ST6GALNAC3: variants seen among roughly 807,000 people sequenced by gnomAD.
The protein encoded by ST6GALNAC3 is alpha-N-acetylgalactosaminide alpha-2,6-sialyltransferase 3.
In ST6GALNAC3, 25 loss-of-function variants were observed where a neutral mutation model predicts 32.7. That is an observed-to-expected ratio of 0.76 (90% confidence interval 0.56 to 1.07). The LOEUF (loss-of-function observed/expected upper bound fraction) is 1.07, where lower values mean the gene tolerates loss of function less well. Among genes scored for constraint, ST6GALNAC3 ranks in the 50% least tolerant of loss-of-function variants. ST6GALNAC3 has a pLI of 0.00. For synonymous variants in ST6GALNAC3, 129 were observed against 133.1 expected, an observed-to-expected ratio of 0.97 and a Z score of 0.21; for missense variants, 355 against 382.4, an observed-to-expected ratio of 0.93 and a Z score of 0.60.
intron 1 of ST6GALNAC3, among the ~76,000 whole-genome samples, chr1:76,183,178 C>T (rs1367862321): frequency 6.6e-6 from 1 of 152,122 alleles, no homozygotes; most frequent in East Asian, 1.9e-4. Flanking sequence ...CTTTTCTGTA[C>T]ACCACTTTAG....
chr1:76,185,306 C>G (rs1027829893), intron 1 of ST6GALNAC3, among the ~76,000 whole-genome samples: 21 of 152,220 alleles, frequency 1.4e-4, no homozygotes, highest in African/African-American at 4.6e-4. Context: ...ATGACCAAGA[C>G]TTGGTCCCTG....
chr1:76,207,518 G>T (rs571319778), intron 1 of ST6GALNAC3, among the ~76,000 whole-genome samples: 3 of 152,206 alleles, frequency 2.0e-5, no homozygotes, highest in Non-Finnish European at 4.4e-5. Context: ...TAAAAGCATG[G>T]CACTGGCATC....
intron 3 of ST6GALNAC3, among the ~76,000 whole-genome samples, chr1:76,542,418 C>G (rs145879098): frequency 1.5e-4 from 23 of 152,238 alleles, no homozygotes; most frequent in African/African-American, 4.3e-4. Flanking sequence ...AAAAATGAAG[C>G]CTGCTATGGA....
At chr1:76,406,114 C>T (rs1000364958) in intron 2 of ST6GALNAC3, among the ~76,000 whole-genome samples, 3 of 151,972 alleles carry the variant, frequency 2.0e-5, no homozygotes, top group South Asian at 2.1e-4. Flanking sequence ...AAAGACCCAT[C>T]GTGTGAACAT....
chr1:76,544,466 G>T (rs1302023515), intron 3 of ST6GALNAC3, among the ~76,000 whole-genome samples: 3 of 152,116 alleles, frequency 2.0e-5, no homozygotes, highest in Non-Finnish European at 4.4e-5. Flanking sequence ...TAACTAGTTG[G>T]ATTTAAAACA....
At chr1:76,524,529 T>C (rs868547849) in intron 3 of ST6GALNAC3, among the ~76,000 whole-genome samples, 17 of 152,302 alleles carry the variant, frequency 1.1e-4, no homozygotes, top group African/African-American at 3.6e-4. Context: ...CTTACCATAA[T>C]ACTTAGCATA....
intron 3 of ST6GALNAC3, among the ~76,000 whole-genome samples, chr1:76,420,655 C>A (rs1654968797): frequency 1.3e-5 from 2 of 152,024 alleles, no homozygotes; most frequent in South Asian, 4.2e-4. Flanking sequence ...AGCAGTAACT[C>A]CTTTTCTTTG....
intron 1 of ST6GALNAC3, among the ~76,000 whole-genome samples, chr1:76,175,522 G>GTTTT (rs11406854): frequency 1.4e-5 from 2 of 146,366 alleles, no homozygotes. Context: ...CTGATGGATA[G>GTTTT]TTTTTTTTTT....
At chr1:76,394,766 C>T (rs1020138367) in intron 2 of ST6GALNAC3, among the ~76,000 whole-genome samples, 17 of 151,970 alleles carry the variant, frequency 1.1e-4, no homozygotes, top group Admixed American at 9.2e-4. Flanking sequence ...AATTCATTGG[C>T]TTATTAAATA....
chr1:76,604,677 T>C (rs1205489624), intron 3 of ST6GALNAC3, among the ~76,000 whole-genome samples: 1 of 152,234 alleles, frequency 6.6e-6, no homozygotes, highest in Non-Finnish European at 1.5e-5. Context: ...ATATTGGAAT[T>C]TCTCAAGCTA....
At chr1:76,604,048 T>A (rs1171653135) in intron 3 of ST6GALNAC3, among the ~76,000 whole-genome samples, 1 of 152,152 alleles carries the variant, frequency 6.6e-6, no homozygotes, top group Non-Finnish European at 1.5e-5. Context: ...CTGAACTACA[T>A]ACAGAATTGG....
intron 1 of ST6GALNAC3, among the ~76,000 whole-genome samples, chr1:76,156,161 G>T (rs2783657): frequency 0.66 from 100,245 of 152,062 alleles, 34,508 homozygotes; most frequent in East Asian, 0.92. Context: ...AAGGCAGAGA[G>T]AAAATGCCAT....
At chr1:76,097,686 C>T (rs980191934) in intron 1 of ST6GALNAC3, among the ~76,000 whole-genome samples, 1 of 152,134 alleles carries the variant, frequency 6.6e-6, no homozygotes, top group African/African-American at 2.4e-5. Context: ...GTAGTTCATT[C>T]ATCTTACTTG....
chr1:76,078,048 A>T (rs572232535), intron 1 of ST6GALNAC3, among the ~76,000 whole-genome samples: 1 of 152,200 alleles, frequency 6.6e-6, no homozygotes, highest in Non-Finnish European at 1.5e-5. Context: ...TACCCCTGTC[A>T]TTGGGTAGTT....
At chr1:76,505,154 C>T (rs1166158284) in intron 3 of ST6GALNAC3, among the ~76,000 whole-genome samples, 3 of 150,732 alleles carry the variant, frequency 2.0e-5, no homozygotes. Context: ...GACAGAGTCT[C>T]GCTCTGTCAC....
chr1:76,313,698 C>G (rs746795134), intron 1 of ST6GALNAC3, 107 bp from the exon 2 acceptor site: 1 of 1,160,038 alleles, frequency 8.6e-7, no homozygotes, highest in Non-Finnish European at 1.3e-6. Context: ...TGACAGAATC[C>G]TTCGACCCCT....
At chr1:76,389,539 G>A (rs573481189) in intron 2 of ST6GALNAC3, among the ~76,000 whole-genome samples, 2 of 152,196 alleles carry the variant, frequency 1.3e-5, no homozygotes, top group Non-Finnish European at 2.9e-5. Flanking sequence ...TTTATGGGTT[G>A]ATATGTCTTG....
In ST6GALNAC3 at chr1:76,157,595, A is replaced by G. The variant is rs376284308; in HGVS notation, c.18+82711A>G. Among the ~76,000 whole-genome samples the G allele has an allele frequency of 6.3e-4, 96 of 152,320 alleles. No individual in the cohort carries two copies. The South Asian group carries it at 0.019, about 31-fold the overall frequency. ...TGAGGGTTGTTCACATATGTACCAC[A>G]GATTGCTTTGTCACATGCTGTATTT... On this transcript the variant is annotated intron_variant, in intron 1 of 4. Coordinates refer to ENST00000328299, the MANE Select transcript of ST6GALNAC3 (RefSeq NM_152996.4).
intron 1 of ST6GALNAC3, among the ~76,000 whole-genome samples, chr1:76,274,630 TATTAA>T (rs1659033313): frequency 6.6e-6 from 1 of 152,194 alleles, no homozygotes; most frequent in Non-Finnish European, 1.5e-5. Context: ...AGTCTAAACT[TATTAA>T]ATTCTCATAT....
Sources: gnomAD v4.1 joint callset for allele counts (sites outside exome capture counted in the v4.1 genomes callset) on GRCh38, gnomAD v4.1.1 for gene constraint, MANE v1.5 for transcripts, NCBI Gene and HGNC (gene_info 2026-07-23, HGNC 2026-07-21) for gene names.